The following PIK3R5 variants were observed in gnomAD, a reference collection of about 807,000 sequenced individuals.
PIK3R5 encodes phosphoinositide-3-kinase regulatory subunit 5, also known as phosphoinositide 3-kinase regulatory subunit 5.
In PIK3R5, 32 loss-of-function variants were observed where a neutral mutation model predicts 94.9. The observed-to-expected ratio is 0.34, with a 90% CI of 0.25 to 0.45. The LOEUF is 0.45. Ranked by LOEUF, PIK3R5 falls within the 20% of genes least tolerant of loss-of-function variation. The pLI is 1.00. For missense variants in PIK3R5, 853 were observed against 1,144.6 expected, an observed-to-expected ratio of 0.75 and a Z score of 3.68; for synonymous variants, 443 against 479.4, an observed-to-expected ratio of 0.92 and a Z score of 0.99.
rs79874161 is a variant in PIK3R5, at chr17:8,937,119, A to G, written c.-13-25612T>C. On this transcript the variant is annotated intron_variant, in intron 1 of 18. Transcript: ENST00000447110. Reference sequence around the variant, plus strand: ...TTATCTTGCACTCTGAAACCTTACTATAATTGCTTAGTTCCAGGAATGTTG... The same window carrying G: ...TTATCTTGCACTCTGAAACCTTACTGTAATTGCTTAGTTCCAGGAATGTTG... Among the ~76,000 whole-genome samples, 696 of 152,308 alleles carry G rather than the reference A, an allele frequency of 4.6e-3. 8 individuals carry two copies. The highest frequency in any genetic ancestry group is 0.016 in the African/African-American group (660 of 41,572).
At chr17:8,954,137 C>T (rs549091449) in intron 1 of PIK3R5, among the ~76,000 whole-genome samples, 5 of 152,242 alleles carry the variant, frequency 3.3e-5, no homozygotes, top group East Asian at 1.9e-4. Context: ...CAAGCTCCCC[C>T]GGCTTGGGAG....
chr17:8,910,803 C>T (rs1053721604), intron 2 of PIK3R5, among the ~76,000 whole-genome samples: 12 of 152,072 alleles, frequency 7.9e-5, no homozygotes, highest in Non-Finnish European at 1.2e-4. Flanking sequence ...TGGCTACTCA[C>T]GGAGAAGTTA....
chr17:8,882,488 C>T lies in PIK3R5; in HGVS notation c.2206-607G>A. On this transcript the variant is annotated intron_variant, in intron 15 of 18. Transcript: ENST00000447110. The surrounding 1 kb of genome is among the most constrained non-coding windows in gnomAD (Gnocchi z 4.1). ...AGGGCTCAAGGTTCTCCCCTTGGTC[C>T]TCTGCTCTTTGTATTCCCTGCTTCC... 1 of 155,208 alleles carries T rather than the reference C, an allele frequency of 6.4e-6. No individual in the cohort carries two copies. Among genetic ancestry groups the T allele is most frequent in the Non-Finnish European group, 1.4e-5 (1 of 69,914 alleles). The allele number at this position is 155,208 out of a possible 1,614,324, so 9.6% of individuals were successfully genotyped here.
chr17:8,914,921 T>TGGGGCAGGTTAAA, intron 1 of PIK3R5, among the ~76,000 whole-genome samples: 1 of 152,282 alleles, frequency 6.6e-6, no homozygotes, highest in Admixed American at 6.5e-5. Context: ...GGAAGCTGGA[T>TGGGGCAGGTTAAA]GGGGCAGGTT....
chr17:8,905,018 C>T (rs1482839242), intron 4 of PIK3R5, 103 bp from the exon 5 acceptor site: 2 of 1,274,848 alleles, frequency 1.6e-6, no homozygotes, highest in African/African-American at 2.9e-5. Context: ...ACAAAAGACA[C>T]ACATTTCCTG....
chr17:8,905,666 TA>T lies in PIK3R5; in HGVS notation c.273+2del. The T allele has an allele frequency of 6.3e-7, 1 of 1,597,732 alleles. No homozygotes were observed. The highest frequency in any genetic ancestry group is 8.5e-7 in the Non-Finnish European group (1 of 1,172,106). On this transcript the variant is annotated splice_donor_variant, in intron 4 of 18. Coordinates refer to ENST00000447110, the MANE Select transcript of PIK3R5 (RefSeq NM_001142633.3). LOFTEE classifies it high-confidence loss of function. ...TCCAGCATCCTGGCCCACGTGGACT[TA>T]CACAAAGAACAGTGGAATAGAAGAG...
intron 14 of PIK3R5, among the ~76,000 whole-genome samples, 179 bp downstream of exon 14, chr17:8,886,050 G>C (rs2089840967): frequency 6.7e-6 from 1 of 149,758 alleles, no homozygotes; most frequent in Non-Finnish European, 1.5e-5. Flanking sequence ...CCGCCTACCG[G>C]GTCACCCAGC....
At chr17:8,962,632 C>T (rs1407407326) in intron 1 of PIK3R5, among the ~76,000 whole-genome samples, 1 of 152,154 alleles carries the variant, frequency 6.6e-6, no homozygotes, top group Non-Finnish European at 1.5e-5. Context: ...TTGTAAGATG[C>T]ACCGTTATTT....
Position 8,942,852 on chromosome 17 carries a change from C to T in PIK3R5, c.-14+22744G>A, listed in dbSNP as rs572112556. Reference sequence around the variant, plus strand: ...CGATCTCCTGACCTCATGATCCGCCCGCCTCGGCCTCCCAAAGTGCTGGGA... The same window carrying T: ...CGATCTCCTGACCTCATGATCCGCCTGCCTCGGCCTCCCAAAGTGCTGGGA... On this transcript the variant is annotated intron_variant, in intron 1 of 18. Transcript: ENST00000447110. 2.1e-3 allele frequency among the ~76,000 whole-genome samples: 325 copies of T among 151,826 alleles called. 3 individuals are homozygous for T. The highest frequency in any genetic ancestry group is 3.4e-3 in the Middle Eastern group (1 of 294).
At chr17:8,944,460 ATC>A (rs1231729061) in intron 1 of PIK3R5, among the ~76,000 whole-genome samples, 11 of 152,242 alleles carry the variant, frequency 7.2e-5, no homozygotes, top group Non-Finnish European at 1.2e-4. Context: ...CTTGCTGAGC[ATC>A]TGTTGTGTGC....
In PIK3R5 at chr17:8,888,349, G is replaced by T. The variant is rs1234181240; in HGVS notation, c.1438C>A (p.Pro480Thr). 5 of 1,611,668 alleles carry T rather than the reference G, an allele frequency of 3.1e-6. No homozygotes were observed. The Admixed American group carries it at 8.3e-5, about 27-fold the overall frequency. Residue 480 changes from proline to threonine, a missense_variant, in exon 10 of 19, where the codon CCC becomes ACC. By Grantham distance (38) the Pro-to-Thr change is conservative. Around this residue, in one of 6 missense-constraint regions of PIK3R5, gnomAD observed 319 missense variants for 339.8 expected, o/e 0.94. Transcript: ENST00000447110. The surrounding 1 kb of genome is among the most constrained non-coding windows in gnomAD (Gnocchi z 7.8). ...AGCTGGGTACCGAGTTTGGGCTGGG[G>T]CAGGGAGCGGGAGCGCTGGGCCCGG... ...PSRAQRSRSL[P>T]QPKLGTQLPS...
intron 1 of PIK3R5, among the ~76,000 whole-genome samples, chr17:8,949,883 C>G (rs538339310): frequency 7.2e-5 from 11 of 152,240 alleles, no homozygotes; most frequent in African/African-American, 2.6e-4. Context: ...ACTACCTGTT[C>G]CCCAAAAATC....
At position 8,888,752 on chromosome 17, in the gene PIK3R5, G is replaced by A. The variant is rs377395679; in HGVS notation, c.1035C>T (p.Ser345=). 359 of 1,613,418 alleles carry A rather than the reference G, an allele frequency of 2.2e-4. No individual in the cohort carries two copies. Among genetic ancestry groups the A allele is most frequent in the Non-Finnish European group, 2.7e-4 (324 of 1,180,012 alleles). Residue 345 remains serine, a synonymous_variant, in exon 10 of 19, where the codon TCC becomes TCT. Transcript: ENST00000447110. This position sits in a 1 kb window ranked among gnomAD's most constrained non-coding sequence, Gnocchi z 7.8. The stretch of plus-strand genomic sequence containing the variant: ...ACGCCAAAGAGCTGGTGGAGAGCAG[G>A]GAATCTCTCTCGGCACAGTGCCCGT... The part of the protein sequence containing the change: ...ETDGHCAERD[S]LLSTSSLASH...
In PIK3R5 at chr17:8,888,457, C is replaced by G; in HGVS notation, c.1330G>C (p.Glu444Gln). 1 of 1,599,762 alleles carries G rather than the reference C, an allele frequency of 6.3e-7. No individual in the cohort carries two copies. The highest frequency in any genetic ancestry group is 2.3e-5 in the East Asian group (1 of 44,342). Residue 444 changes from glutamate to glutamine, a missense_variant, in exon 10 of 19, where the codon GAG (glutamate) becomes CAG (glutamine). Physicochemically the swap from Glu to Gln is conservative, Grantham distance 29. Around this residue, in one of 6 missense-constraint regions of PIK3R5, gnomAD observed 319 missense variants for 339.8 expected, o/e 0.94. Transcript: ENST00000447110. This position sits in a 1 kb window ranked among gnomAD's most constrained non-coding sequence, Gnocchi z 7.8. The stretch of plus-strand genomic sequence containing the variant: ...GGCAGGGCCGTGTCCGAGCTGCCCT[C>G]CAGGCTCCGAGAGTCCCTCCGCAGT... ...LVLRRDSRSLEGSSDTALPLR... is the reference protein window; with the variant it reads ...LVLRRDSRSLQGSSDTALPLR...
At chr17:8,962,759 G>A (rs2091589269) in intron 1 of PIK3R5, among the ~76,000 whole-genome samples, 1 of 152,206 alleles carries the variant, frequency 6.6e-6, no homozygotes, top group South Asian at 2.1e-4. Flanking sequence ...GTGCTAAAAT[G>A]TGAAAATATG....
chr17:8,894,105 G>C (rs2090091965), intron 5 of PIK3R5, among the ~76,000 whole-genome samples: 1 of 152,198 alleles, frequency 6.6e-6, no homozygotes, highest in Admixed American at 6.5e-5. Context: ...TTAGCCCTGG[G>C]CCTCAGTTTC....
At chr17:8,900,655 G>T (rs568590453) in intron 5 of PIK3R5, among the ~76,000 whole-genome samples, 73 of 152,316 alleles carry the variant, frequency 4.8e-4, no homozygotes, top group Admixed American at 1.2e-3. Flanking sequence ...GAGGCCAAAG[G>T]ACCCTCATTC....
rs2091259400 is a variant in PIK3R5 at position 8,945,638 on chromosome 17, A to T, written c.-14+19958T>A. On this transcript the variant is annotated intron_variant, in intron 1 of 18. Coordinates refer to ENST00000447110, the MANE Select transcript of PIK3R5 (RefSeq NM_001142633.3). This position sits in a 1 kb window ranked among gnomAD's most constrained non-coding sequence, Gnocchi z 4.0. The stretch of plus-strand genomic sequence containing the variant: ...TGAGAACTCCTCCCCAGAAAAATAG[A>T]AAGTACTTATAAGATTTTATGTCCC... Among the ~76,000 whole-genome samples, 1 of 152,200 alleles carries T rather than the reference A, an allele frequency of 6.6e-6. No individual in the cohort carries two copies. The highest frequency in any genetic ancestry group is 1.5e-5 in the Non-Finnish European group (1 of 68,034).
intron 15 of PIK3R5, among the ~76,000 whole-genome samples, chr17:8,883,330 T>C (rs2089727115): frequency 6.6e-6 from 1 of 152,216 alleles, no homozygotes; most frequent in Non-Finnish European, 1.5e-5. Context: ...ATTGAGCCAT[T>C]GCACTCTAGC....
Sources: gnomAD v4.1 joint callset for allele counts (sites outside exome capture counted in the v4.1 genomes callset) on GRCh38, gnomAD v4.1.1 for gene constraint, gnomAD v4.1.1 regional missense constraint, Gnocchi (gnomAD v3.1) non-coding constraint, MANE v1.5 for transcripts, NCBI Gene and HGNC (gene_info 2026-07-23, HGNC 2026-07-21) for gene names.